The following SEC24D variants were observed in gnomAD, a reference collection of about 807,000 sequenced individuals.
The protein encoded by SEC24D is protein transport protein Sec24D.
Under a neutral mutation model 116.9 loss-of-function variants are expected in SEC24D, and 69 were observed. The observed-to-expected ratio is 0.59, with a 90% CI of 0.49 to 0.72. SEC24D has a LOEUF of 0.72. Ranked by LOEUF, SEC24D falls within the 30% of genes least tolerant of loss-of-function variation. SEC24D has a pLI of 0.00. For missense variants in SEC24D, 1,131 were observed against 1,264.1 expected (o/e 0.89, Z 1.60); for synonymous variants, 405 against 442.8 (o/e 0.91, Z 1.07).
intron 22 of SEC24D, among the ~76,000 whole-genome samples, chr4:118,728,022 G>A (rs1725495776): frequency 6.6e-6 from 1 of 152,044 alleles, no homozygotes; most frequent in African/African-American, 2.4e-5. Flanking sequence ...GATCCCAGGA[G>A]ACTCTAATAT....
intron 3 of SEC24D, among the ~76,000 whole-genome samples, chr4:118,822,578 T>A (rs1440855482): frequency 3.3e-5 from 5 of 152,110 alleles, no homozygotes; most frequent in Admixed American, 2.6e-4. Flanking sequence ...TTACAACAAT[T>A]TTTTTTGCCT....
At chr4:118,818,074 T>C (rs986778844) in intron 3 of SEC24D, among the ~76,000 whole-genome samples, 16 of 152,100 alleles carry the variant, frequency 1.1e-4, no homozygotes, top group African/African-American at 3.6e-4. Flanking sequence ...TACATCATGC[T>C]TTACCTTTGA....
rs776265086 is a variant in SEC24D at position 118,817,326 on chromosome 4, A to C, written c.335T>G (p.Ile112Arg). The C allele has an allele frequency of 6.2e-7, 1 of 1,613,766 alleles. No individual in the cohort carries two copies. The highest frequency in any genetic ancestry group is 1.1e-5 in the South Asian group (1 of 91,074). The change falls in exon 4 of 23, where the codon ATA (isoleucine) becomes AGA (arginine). Residue 112 changes from isoleucine (I) to arginine (R), a missense_variant. Ile to Arg is a moderately conservative substitution (Grantham distance 97). Transcript: ENST00000280551. ...CAGCTGGGTGACAGATGAAGTGGAT[A>C]TAGGACCTGGATAAGAAGATTGTGC... Reference protein sequence around the residue: ...PSAQSSYPGPISTSSVTQLGS... With the variant: ...PSAQSSYPGPRSTSSVTQLGS...
chr4:118,757,425 T>G lies in SEC24D; in HGVS notation c.1421+296A>C, dbSNP rs4340779. Among the ~76,000 whole-genome samples the G allele has an allele frequency of 0.6, 90,955 of 152,144 alleles. 30,129 individuals are homozygous for G. Among genetic ancestry groups the G allele is most frequent in the Non-Finnish European group, 0.72 (49,224 of 68,004 alleles). On this transcript the variant is annotated intron_variant, in intron 11 of 22. Transcript: ENST00000280551. The stretch of plus-strand genomic sequence containing the variant: ...GAAAATCAATGCTTTGAAAAGTGAA[T>G]AACACATCCAAAGTCTTTCCTACCA...
At chr4:118,779,758 T>C (rs532285665) in intron 8 of SEC24D, among the ~76,000 whole-genome samples, 1 of 152,354 alleles carries the variant, frequency 6.6e-6, no homozygotes, top group South Asian at 2.1e-4. Flanking sequence ...TGGTAGGCTA[T>C]TGATTATTGC....
rs1391180020 is a variant in SEC24D at position 118,739,432 on chromosome 4, G to A, written c.2239-145C>T. On this transcript the variant is annotated intron_variant, in intron 17 of 22. Coordinates refer to ENST00000280551, the MANE Select transcript of SEC24D (RefSeq NM_014822.4). ...TTTCCACAGTTTTTTTTCTATTATTGTTAAAGAATGAACAACAGGAAATAT... is the reference window on the plus strand; with the variant it reads ...TTTCCACAGTTTTTTTTCTATTATTATTAAAGAATGAACAACAGGAAATAT... 8.7e-6 allele frequency: 6 copies of A among 692,016 alleles called. No individual in the cohort carries two copies. In the East Asian group the frequency reaches 1.5e-4, roughly 17 times the overall value. The allele number at this position is 692,016 out of a possible 1,614,324, so 42.9% of individuals were successfully genotyped here. A position where few individuals can be genotyped will look rare whatever the true frequency, so the allele number is the denominator to read the frequency against.
At chr4:118,747,349 C>A (rs763842186) in intron 13 of SEC24D, among the ~76,000 whole-genome samples, 9 of 148,488 alleles carry the variant, frequency 6.1e-5, no homozygotes, top group Admixed American at 1.3e-4. Flanking sequence ...TCACCACAAC[C>A]TCTGCCTCCT....
chr4:118,833,033 A>AC (rs2110545985), intron 2 of SEC24D, among the ~76,000 whole-genome samples: 1 of 152,342 alleles, frequency 6.6e-6, no homozygotes, highest in South Asian at 2.1e-4. Context: ...ATCAAGCCTC[A>AC]CTAAAGGGAG....
Position 118,815,677 on chromosome 4 carries a change from G to C in SEC24D, c.447C>G (p.Ala149=). ...PSQGPPGPLS[A]TSLQTPPRPP... ...GTCGTGGAGGAGTCTGCAATGATGT[G>C]GCTGACAGAGGGCCAGGGGGTCCCT... Residue 149 remains alanine, a synonymous_variant, in exon 5 of 23, where the codon GCC becomes GCG. Coordinates refer to ENST00000280551, the MANE Select transcript of SEC24D (RefSeq NM_014822.4). 1 of 1,614,074 alleles carries C rather than the reference G, an allele frequency of 6.2e-7. No individual in the cohort carries two copies. The highest frequency in any genetic ancestry group is 1.3e-5 in the African/African-American group (1 of 75,032).
chr4:118,823,784 C>T (rs1435671096), intron 3 of SEC24D, among the ~76,000 whole-genome samples: 4 of 152,162 alleles, frequency 2.6e-5, no homozygotes, highest in African/African-American at 9.7e-5. Context: ...TTATTATAAA[C>T]ACAAACACAA....
intron 22 of SEC24D, among the ~76,000 whole-genome samples, chr4:118,724,861 C>T (rs571754053): frequency 6.6e-5 from 10 of 152,270 alleles, no homozygotes; most frequent in African/African-American, 2.2e-4. Flanking sequence ...TTAAGAGGAG[C>T]GAGGGTATTT....
At chr4:118,787,767 A>G (rs927949684) in intron 8 of SEC24D, among the ~76,000 whole-genome samples, 1 of 152,090 alleles carries the variant, frequency 6.6e-6, no homozygotes, top group African/African-American at 2.4e-5. Context: ...GAGATTGTAC[A>G]CCGTACTCCA....
chr4:118,753,841 T>G (rs1726953535), intron 11 of SEC24D, among the ~76,000 whole-genome samples: 1 of 152,176 alleles, frequency 6.6e-6, no homozygotes, highest in Admixed American at 6.6e-5. Context: ...ACATGCCACT[T>G]TCTTTGACCA....
chr4:118,831,395 A>G (rs1430208318), intron 2 of SEC24D, among the ~76,000 whole-genome samples: 1 of 152,004 alleles, frequency 6.6e-6, no homozygotes, highest in Non-Finnish European at 1.5e-5. Context: ...GATGCTAATG[A>G]GTGAGATTTG....
chr4:118,772,296 A>C (rs1175753365), intron 8 of SEC24D, among the ~76,000 whole-genome samples: 1 of 152,222 alleles, frequency 6.6e-6, no homozygotes, highest in South Asian at 2.1e-4. Context: ...TTAAGGCTGT[A>C]TATACCTTAC....
At chr4:118,752,952 C>T (rs1245399225) in intron 11 of SEC24D, 64 bp from the exon 12 acceptor site, 2 of 1,232,052 alleles carry the variant, frequency 1.6e-6, no homozygotes, top group South Asian at 1.5e-5. Context: ...AGGTTTCTAT[C>T]TGAAATTCAG....
intron 2 of SEC24D, among the ~76,000 whole-genome samples, chr4:118,832,453 A>G (rs1328030270): frequency 1.3e-5 from 2 of 152,196 alleles, no homozygotes; most frequent in Admixed American, 6.5e-5. Context: ...GGAGGGAAGG[A>G]GAGGTAAAGG....
At chr4:118,786,380 C>T (rs933520285) in intron 8 of SEC24D, among the ~76,000 whole-genome samples, 1 of 152,032 alleles carries the variant, frequency 6.6e-6, no homozygotes, top group African/African-American at 2.4e-5. Context: ...AACTTGATTT[C>T]TATGAAGCTT....
intron 7 of SEC24D, among the ~76,000 whole-genome samples, chr4:118,800,825 G>A (rs939426128): frequency 2.0e-5 from 3 of 152,166 alleles, no homozygotes; most frequent in South Asian, 2.1e-4. Context: ...GTTAGTAAGT[G>A]GCAAAAGTGG....
Sources: gnomAD v4.1 joint callset for allele counts (sites outside exome capture counted in the v4.1 genomes callset) on GRCh38, gnomAD v4.1.1 for gene constraint, MANE v1.5 for transcripts, NCBI Gene and HGNC (gene_info 2026-07-23, HGNC 2026-07-21) for gene names.